Variants in ELOVL7 observed in about 807,000 individuals in gnomAD.
The protein encoded by ELOVL7 is very long chain fatty acid elongase 7.
In ELOVL7, 27 loss-of-function variants were observed where a neutral mutation model predicts 35.7. The ratio of observed to expected loss-of-function variants is 0.76; its 90% CI spans 0.56 to 1.04. The LOEUF is 1.04. ELOVL7 is among the 50% of genes least tolerant of loss of function. The probability of loss-of-function intolerance (pLI) is 0.00; values close to 1 mark genes in which losing one functional copy is unlikely to be tolerated. For synonymous variants in ELOVL7, 113 were observed against 114.6 expected, an observed-to-expected ratio of 0.99 and a Z score of 0.09; for missense variants, 327 against 340.8, an observed-to-expected ratio of 0.96 and a Z score of 0.32.
intron 1 of ELOVL7, among the ~76,000 whole-genome samples, chr5:60,820,848 CT>C (rs1405721330): frequency 1.3e-5 from 2 of 152,192 alleles, no homozygotes; most frequent in Non-Finnish European, 2.9e-5. Context: ...CCCTCAACCC[CT>C]GACTGCTACT....
chr5:60,822,461 C>G (rs927372613), intron 1 of ELOVL7, among the ~76,000 whole-genome samples: 1 of 152,084 alleles, frequency 6.6e-6, no homozygotes, highest in Non-Finnish European at 1.5e-5. Flanking sequence ...GCAAGAAGAC[C>G]GAGTGGGGTT....
At chr5:60,817,730 CAT>C (rs1270636827) in intron 1 of ELOVL7, among the ~76,000 whole-genome samples, 16 of 88,992 alleles carry the variant, frequency 1.8e-4, no homozygotes, top group Admixed American at 6.0e-4. Context: ...ATGTATATAC[CAT>C]ATATATACAC....
chr5:60,787,693 A>G (rs977338897), intron 2 of ELOVL7, among the ~76,000 whole-genome samples: 2 of 152,250 alleles, frequency 1.3e-5, no homozygotes, highest in Admixed American at 6.5e-5. Flanking sequence ...CAAAAGCAGT[A>G]AATGACTCTA....
At chr5:60,815,264 T>C (rs1293265088) in intron 1 of ELOVL7, among the ~76,000 whole-genome samples, 1 of 152,192 alleles carries the variant, frequency 6.6e-6, no homozygotes, top group Non-Finnish European at 1.5e-5. Context: ...CACTTCCTCC[T>C]ATATGGGAAC....
At chr5:60,835,804 A>G (rs1353178937) in intron 1 of ELOVL7, among the ~76,000 whole-genome samples, 3 of 152,022 alleles carry the variant, frequency 2.0e-5, no homozygotes, top group Admixed American at 2.0e-4. Flanking sequence ...CACAATAACA[A>G]TATTCTTTTT....
intron 2 of ELOVL7, among the ~76,000 whole-genome samples, chr5:60,794,078 G>A (rs1218404727): frequency 6.6e-6 from 1 of 151,824 alleles, no homozygotes; most frequent in Admixed American, 6.5e-5. Flanking sequence ...TATGGCAGGA[G>A]TAGAGTAAAC....
intron 6 of ELOVL7, among the ~76,000 whole-genome samples, 170 bp downstream of exon 6, chr5:60,766,404 G>C (rs1174732736): frequency 6.6e-6 from 1 of 152,144 alleles, no homozygotes; most frequent in African/African-American, 2.4e-5. Context: ...TAAAGTTACT[G>C]ATAATAAAAG....
chr5:60,836,781 A>G (rs1004865946), intron 1 of ELOVL7, among the ~76,000 whole-genome samples: 22 of 151,998 alleles, frequency 1.4e-4, no homozygotes, highest in African/African-American at 5.1e-4. Context: ...ATGGGGCTGT[A>G]TTTAGATTAA....
chr5:60,765,506 A>G (rs929773020), intron 6 of ELOVL7, among the ~76,000 whole-genome samples: 3 of 152,104 alleles, frequency 2.0e-5, no homozygotes, highest in Admixed American at 6.5e-5. Flanking sequence ...AATTAATTCT[A>G]TTGCACAATG....
At chr5:60,816,715 G>C (rs1745537149) in intron 1 of ELOVL7, among the ~76,000 whole-genome samples, 1 of 152,136 alleles carries the variant, frequency 6.6e-6, no homozygotes, top group Non-Finnish European at 1.5e-5. Flanking sequence ...GTAGATGCAG[G>C]AATTAGTTCA....
At chr5:60,819,392 A>C (rs1037928583) in intron 1 of ELOVL7, among the ~76,000 whole-genome samples, 2 of 152,150 alleles carry the variant, frequency 1.3e-5, no homozygotes, top group African/African-American at 4.8e-5. Context: ...GTCGTGATCT[A>C]TCTCGGTTCC....
chr5:60,766,817 T>C (rs1320950487), intron 5 of ELOVL7, among the ~76,000 whole-genome samples, 187 bp from the exon 6 acceptor site: 2 of 152,166 alleles, frequency 1.3e-5, no homozygotes, highest in African/African-American at 4.8e-5. Flanking sequence ...ATAGAACTTT[T>C]TTCATCTTGC....
chr5:60,764,713 A>G (rs750436054), intron 6 of ELOVL7, among the ~76,000 whole-genome samples: 6 of 152,148 alleles, frequency 3.9e-5, no homozygotes, highest in East Asian at 3.8e-4. Context: ...AATATTCTAC[A>G]TTGCTTTCTA....
intron 1 of ELOVL7, among the ~76,000 whole-genome samples, chr5:60,815,549 TA>T (rs1745468006): frequency 2.5e-4 from 2 of 8,138 alleles, no homozygotes; most frequent in African/African-American, 9.4e-4. Context: ...AAAATTTATT[TA>T]TTTTATAAAT....
chr5:60,841,291 G>A (rs1276389789), intron 1 of ELOVL7, among the ~76,000 whole-genome samples: 2 of 152,132 alleles, frequency 1.3e-5, no homozygotes, highest in East Asian at 3.8e-4. Context: ...CTCCCAAAGT[G>A]CTGGGATTAC....
rs1288524313 is a variant in ELOVL7 at position 60,821,789 on chromosome 5, T to C, written c.-86+22371A>G. On this transcript the variant is annotated intron_variant, in intron 1 of 8. Coordinates refer to ENST00000508821, the MANE Select transcript of ELOVL7 (RefSeq NM_024930.3). ...TAGAAATGTTTATAGCAATTTGACATTGCTGTGACATCCAAGTATGTGATG... is the reference window on the plus strand; with the variant it reads ...TAGAAATGTTTATAGCAATTTGACACTGCTGTGACATCCAAGTATGTGATG... Among the ~76,000 whole-genome samples, 3 of 152,260 alleles carry C rather than the reference T, an allele frequency of 2.0e-5. No individual in the cohort carries two copies. The East Asian group carries it at 5.8e-4, about 29-fold the overall frequency.
chr5:60,812,751 A>G (rs1341405716), intron 1 of ELOVL7, among the ~76,000 whole-genome samples: 1 of 152,164 alleles, frequency 6.6e-6, no homozygotes, highest in Non-Finnish European at 1.5e-5. Flanking sequence ...GTCTACTCTG[A>G]TCTGCCTGCA....
intron 1 of ELOVL7, among the ~76,000 whole-genome samples, chr5:60,808,834 T>G (rs1745092947): frequency 6.6e-6 from 1 of 152,218 alleles, no homozygotes; most frequent in African/African-American, 2.4e-5. Context: ...GAATCTGAAC[T>G]GTATTTCTGT....
At chr5:60,827,052 T>C (rs551468606) in intron 1 of ELOVL7, among the ~76,000 whole-genome samples, 71 of 152,252 alleles carry the variant, frequency 4.7e-4, no homozygotes, top group African/African-American at 1.7e-3. Flanking sequence ...ATTCCATGTC[T>C]GCAAAAAACA....
Sources: allele counts gnomAD v4.1 joint callset (sites outside exome capture counted in the v4.1 genomes callset), GRCh38; gene constraint gnomAD v4.1.1; transcripts MANE v1.5; gene names NCBI Gene and HGNC (gene_info 2026-07-23, HGNC 2026-07-21).